The following CDH7 variants were observed in gnomAD, a reference collection of about 807,000 sequenced individuals.
The protein encoded by CDH7 is cadherin-7.
A neutral mutation model predicts 71.8 loss-of-function variants in CDH7; 25 were observed. The observed-to-expected ratio is 0.35, with a 90% CI of 0.25 to 0.49. CDH7 has a LOEUF of 0.49. Ranked by LOEUF, CDH7 falls within the 20% of genes least tolerant of loss-of-function variation. The probability of loss-of-function intolerance (pLI) is 0.99; values close to 1 mark genes in which losing one functional copy is unlikely to be tolerated. For missense variants in CDH7, 862 were observed against 974.6 expected (o/e 0.88, Z 1.54); for synonymous variants, 381 against 363.8 (o/e 1.05, Z -0.54).
chr18:65,763,339 T>C (rs528038062), intron 2 of CDH7, among the ~76,000 whole-genome samples: 30 of 152,256 alleles, frequency 2.0e-4, no homozygotes, highest in African/African-American at 7.0e-4. Flanking sequence ...TTGTAACACA[T>C]TGATAAACTG....
In CDH7 at chr18:65,880,807, G is replaced by A. The variant is rs749387486; in HGVS notation, c.2271G>A (p.Gln757=). 1 of 1,614,046 alleles carries A rather than the reference G, an allele frequency of 6.2e-7. No homozygotes were observed. Among genetic ancestry groups the A allele is most frequent in the Non-Finnish European group, 8.5e-7 (1 of 1,180,000 alleles). Residue 757 remains glutamine (Q), a synonymous_variant, in exon 12 of 12, where the codon CAG becomes CAA. Transcript: ENST00000397968. ...ATTCCATCAGCTCAAACTCTGATCAGAACTATGACTACCTAAGTGACTGGG... is the reference window on the plus strand; with the variant it reads ...ATTCCATCAGCTCAAACTCTGATCAAAACTATGACTACCTAAGTGACTGGG... The part of the protein sequence containing the change: ...SLDSISSNSD[Q]NYDYLSDWGP...
chr18:65,799,667 C>G (rs920140735), intron 2 of CDH7, among the ~76,000 whole-genome samples: 2 of 151,428 alleles, frequency 1.3e-5, no homozygotes, highest in African/African-American at 4.9e-5. Context: ...CAGAGCGAGA[C>G]TCTGTGTCAA....
At chr18:65,787,096 A>G (rs761677973) in intron 2 of CDH7, among the ~76,000 whole-genome samples, 1 of 152,216 alleles carries the variant, frequency 6.6e-6, no homozygotes, top group African/African-American at 2.4e-5. Flanking sequence ...CATTATCATT[A>G]GCAGCATTTG....
At chr18:65,763,802 AAGG>A (rs772060336) in intron 2 of CDH7, among the ~76,000 whole-genome samples, 1 of 151,968 alleles carries the variant, frequency 6.6e-6, no homozygotes, top group Non-Finnish European at 1.5e-5. Context: ...AATATTTGAG[AAGG>A]AGATTTTCAC....
chr18:65,836,762 TA>T (rs1332769956), intron 6 of CDH7, among the ~76,000 whole-genome samples: 1 of 152,220 alleles, frequency 6.6e-6, no homozygotes, highest in Non-Finnish European at 1.5e-5. Flanking sequence ...TTGCTTATTC[TA>T]AATTTGCTTA....
chr18:65,847,292 G>A (rs1912967666), intron 7 of CDH7, among the ~76,000 whole-genome samples: 1 of 152,144 alleles, frequency 6.6e-6, no homozygotes. Context: ...GTAGTTCTTT[G>A]AGGAATGGAA....
At chr18:65,828,250 T>C (rs906031733) in intron 6 of CDH7, among the ~76,000 whole-genome samples, 4 of 152,072 alleles carry the variant, frequency 2.6e-5, no homozygotes, top group Non-Finnish European at 4.4e-5. Flanking sequence ...AAGAGTTGAC[T>C]AAAAATAGTG....
intron 1 of CDH7, among the ~76,000 whole-genome samples, chr18:65,759,065 T>A (rs1026756779): frequency 6.6e-6 from 1 of 152,220 alleles, no homozygotes; most frequent in African/African-American, 2.4e-5. Context: ...TTCTTTGATA[T>A]GTTCTAGCTA....
chr18:65,764,496 C>T lies in CDH7; in HGVS notation c.210+1444C>T, dbSNP rs149523985. Among the ~76,000 whole-genome samples, 400 of 152,078 alleles carry T rather than the reference C, an allele frequency of 2.6e-3. 4 individuals carry two copies. Among genetic ancestry groups the T allele is most frequent in the African/African-American group, 9.3e-3 (385 of 41,504 alleles). On this transcript the variant is annotated intron_variant, in intron 2 of 11. Transcript: ENST00000397968. ...GTACATATATATGCTAAATATCTGTCTCACTCTCTTTTTACTTGTTTTCTT... is the reference window on the plus strand; with the variant it reads ...GTACATATATATGCTAAATATCTGTTTCACTCTCTTTTTACTTGTTTTCTT...
intron 1 of CDH7, among the ~76,000 whole-genome samples, chr18:65,754,433 C>T (rs1030661678): frequency 2.0e-5 from 3 of 152,140 alleles, no homozygotes; most frequent in Non-Finnish European, 4.4e-5. Flanking sequence ...TGAGAAGTCA[C>T]ATATCACAGA....
At chr18:65,797,638 C>A (rs938842544) in intron 2 of CDH7, among the ~76,000 whole-genome samples, 4 of 152,058 alleles carry the variant, frequency 2.6e-5, no homozygotes, top group Non-Finnish European at 5.9e-5. Flanking sequence ...CATGGAGGGT[C>A]TTGTTATGTG....
At chr18:65,851,098 C>CT (rs747017690) in intron 7 of CDH7, among the ~76,000 whole-genome samples, 28 of 100,374 alleles carry the variant, frequency 2.8e-4, no homozygotes, top group East Asian at 1.3e-3. Context: ...GCCACAGTGC[C>CT]CGGCCTCAAT....
chr18:65,853,830 A>G (rs1233327541), intron 7 of CDH7, among the ~76,000 whole-genome samples: 1 of 147,710 alleles, frequency 6.8e-6, no homozygotes, highest in Non-Finnish European at 1.5e-5. Context: ...TGTCACTTGC[A>G]GGTGCTCAAG....
chr18:65,781,771 C>CTTTCTTTCTTTCTTTCTTTCTTTCTTTCT (rs1568181257), intron 2 of CDH7, among the ~76,000 whole-genome samples: 2 of 39,082 alleles, frequency 5.1e-5, no homozygotes, highest in Admixed American at 2.7e-4. Context: ...TCTTTCTTTC[C>CTTTCTTTCTTTCTTTCTTTCTTTCTTTCT]TTCCTTCCTT....
chr18:65,781,772 T>TTTCTTTCTTTCTTTCTA (rs1568181261), intron 2 of CDH7, among the ~76,000 whole-genome samples: 841 of 75,644 alleles, frequency 0.011, 141 homozygotes, highest in Non-Finnish European at 0.014. Context: ...CTTTCTTTCC[T>TTTCTTTCTTTCTTTCTA]TCCTTCCTTC....
Position 65,811,189 on chromosome 18 carries a change from A to T in CDH7, c.505+1191A>T, listed in dbSNP as rs1034581239. Among the ~76,000 whole-genome samples, 5 of 840 alleles carry T rather than the reference A, an allele frequency of 6.0e-3. No homozygotes were observed. In the Non-Finnish European group the frequency reaches 0.074, roughly 12 times the overall value. The allele number at this position is 840 out of a possible 152,430, so 0.6% of individuals were successfully genotyped here. A position where few individuals can be genotyped will look rare whatever the true frequency, so the allele number is the denominator to read the frequency against. Reference sequence around the variant, plus strand: ...GTATTTTAACCCATGTGATTTATTAAAAAAAAAAAAAAGGTCATTTCATTC... The same window carrying T: ...GTATTTTAACCCATGTGATTTATTATAAAAAAAAAAAAGGTCATTTCATTC... On this transcript the variant is annotated intron_variant, in intron 3 of 11. Coordinates refer to ENST00000397968, the MANE Select transcript of CDH7 (RefSeq NM_004361.5).
chr18:65,852,751 G>A (rs1348198392), intron 7 of CDH7, among the ~76,000 whole-genome samples: 3 of 152,132 alleles, frequency 2.0e-5, no homozygotes, highest in Non-Finnish European at 4.4e-5. Flanking sequence ...TAAAAGCATG[G>A]TTCTCTTAAC....
chr18:65,822,945 C>CT (rs1172177254), intron 5 of CDH7, among the ~76,000 whole-genome samples: 1 of 151,700 alleles, frequency 6.6e-6, no homozygotes, highest in East Asian at 1.9e-4. Flanking sequence ...TTTTAGTTCC[C>CT]TTTTTTTCCC....
At chr18:65,776,206 G>A (rs1039363340) in intron 2 of CDH7, among the ~76,000 whole-genome samples, 1 of 151,882 alleles carries the variant, frequency 6.6e-6, no homozygotes, top group Non-Finnish European at 1.5e-5. Context: ...GGGACCACAG[G>A]TGCACCCCAC....
Sources: gnomAD v4.1 joint callset for allele counts (sites outside exome capture counted in the v4.1 genomes callset) on GRCh38, gnomAD v4.1.1 for gene constraint, MANE v1.5 for transcripts, NCBI Gene and HGNC (gene_info 2026-07-23, HGNC 2026-07-21) for gene names.